Variants in BCL11B observed in about 807,000 individuals in gnomAD.
The protein encoded by BCL11B is B-cell lymphoma/leukemia 11B.
Under a neutral mutation model 49.9 loss-of-function variants are expected in BCL11B, and 8 were observed. The observed-to-expected ratio is 0.16, with a 90% CI of 0.09 to 0.29. The LOEUF is 0.29. BCL11B is among the 10% of genes least tolerant of loss of function. BCL11B has a pLI of 1.00. For missense variants in BCL11B, 1,006 were observed against 1,351.0 expected, an observed-to-expected ratio of 0.74 and a Z score of 4.00; for synonymous variants, 739 against 637.4, an observed-to-expected ratio of 1.16 and a Z score of -2.40.
In BCL11B at chr14:99,175,612, C is replaced by A; in HGVS notation, c.1224G>T (p.Pro408=). The A allele has an allele frequency of 6.4e-7, 1 of 1,561,328 alleles. No homozygotes were observed. ...TGCCGCCAGGGGGCATGGGCGGCAG[C>A]GGCGGCGTGCTCAGGAACGGGGACT... ...SPKSPFLSTP[P]LPPMPPGGTP... The change falls in exon 4 of 4, where the codon CCG becomes CCT. Residue 408 remains proline, a synonymous_variant. Coordinates refer to ENST00000357195, the MANE Select transcript of BCL11B (RefSeq NM_138576.4).
chr14:99,260,812 T>C (rs566561310), intron 1 of BCL11B, among the ~76,000 whole-genome samples: 2 of 151,900 alleles, frequency 1.3e-5, no homozygotes, highest in Non-Finnish European at 2.9e-5. Context: ...CTGCGTCAAG[T>C]CCTAACAGCC....
chr14:99,190,191 TAAAA>T (rs1288842362), intron 3 of BCL11B, among the ~76,000 whole-genome samples: 9 of 145,810 alleles, frequency 6.2e-5, no homozygotes, highest in African/African-American at 2.3e-4. Context: ...CATATGTCTT[TAAAA>T]CAAGGCACTT....
At chr14:99,181,701 C>T (rs757593412) in intron 3 of BCL11B, among the ~76,000 whole-genome samples, 6 of 152,182 alleles carry the variant, frequency 3.9e-5, no homozygotes, top group Non-Finnish European at 5.9e-5. Flanking sequence ...AGCGAGCAAG[C>T]GAGCCTGCGG....
chr14:99,214,164 C>G (rs1003138662), intron 3 of BCL11B, among the ~76,000 whole-genome samples: 2 of 152,156 alleles, frequency 1.3e-5, no homozygotes, highest in Non-Finnish European at 2.9e-5. Context: ...CTGTTCCTAG[C>G]TTCAATTCCC....
intron 3 of BCL11B, 86 bp from the exon 4 acceptor site, chr14:99,176,281 A>G: frequency 5.5e-6 from 7 of 1,261,928 alleles, no homozygotes; most frequent in Non-Finnish European, 7.6e-6. Context: ...GGCCTGGGGG[A>G]CGCGGCCCGG....
chr14:99,268,647 A>C (rs7146019), intron 1 of BCL11B, among the ~76,000 whole-genome samples: 1 of 151,556 alleles, frequency 6.6e-6, no homozygotes, highest in Non-Finnish European at 1.5e-5. Context: ...CCTCCCTCCC[A>C]GGTGACACAG....
At chr14:99,265,248 G>A (rs1056415294) in intron 1 of BCL11B, among the ~76,000 whole-genome samples, 3 of 152,146 alleles carry the variant, frequency 2.0e-5, no homozygotes, top group Non-Finnish European at 2.9e-5. Flanking sequence ...ATGCTCAGCC[G>A]GTATCAATAA....
At chr14:99,260,574 T>C (rs887142483) in intron 1 of BCL11B, among the ~76,000 whole-genome samples, 3 of 152,182 alleles carry the variant, frequency 2.0e-5, no homozygotes, top group African/African-American at 7.2e-5. Flanking sequence ...CACGTGCCTG[T>C]TCGCAAGCAC....
intron 3 of BCL11B, among the ~76,000 whole-genome samples, chr14:99,204,593 C>T (rs1222768291): frequency 6.6e-6 from 1 of 152,176 alleles, no homozygotes; most frequent in East Asian, 1.9e-4. Context: ...CCTGCCAATG[C>T]CCGGCAGCTA....
chr14:99,244,761 G>A (rs1888775110), intron 2 of BCL11B, among the ~76,000 whole-genome samples: 1 of 152,220 alleles, frequency 6.6e-6, no homozygotes, highest in Admixed American at 6.5e-5. Context: ...GTTCGGGTTA[G>A]CTAAATCTGA....
chr14:99,213,957 C>T lies in BCL11B; in HGVS notation c.640+17388G>A, dbSNP rs1887759380. Among the ~76,000 whole-genome samples, 1 of 152,132 alleles carries T rather than the reference C, an allele frequency of 6.6e-6. No homozygotes were observed. The highest frequency in any genetic ancestry group is 2.4e-5 in the African/African-American group (1 of 41,446). Reference sequence around the variant, plus strand: ...GAGAGGCTTGGCCCCAGGACACTGACTCCTCCCTCTCCCTAGACCCAGTCC... The same window carrying T: ...GAGAGGCTTGGCCCCAGGACACTGATTCCTCCCTCTCCCTAGACCCAGTCC... On this transcript the variant is annotated intron_variant, in intron 3 of 3. Coordinates refer to ENST00000357195, the MANE Select transcript of BCL11B (RefSeq NM_138576.4). This position sits in a 1 kb window ranked among gnomAD's most constrained non-coding sequence, Gnocchi z 5.1.
Position 99,169,990 on chromosome 14 carries a change from C to T in BCL11B, c.*4161G>A, listed in dbSNP as rs879033329. ...CCTCTCTCTCGGGATCATCTGCTTC[C>T]GTGTTGGTTTTTTAAACACAAAACA... On this transcript the variant is annotated 3_prime_UTR_variant, in exon 4 of 4. Coordinates refer to ENST00000357195, the MANE Select transcript of BCL11B (RefSeq NM_138576.4). The T allele has an allele frequency of 4.4e-6, 1 of 228,580 alleles. No individual in the cohort carries two copies. The allele number at this position is 228,580 out of a possible 1,614,324, so 14.2% of individuals were successfully genotyped here.
Position 99,228,270 on chromosome 14 carries a change from C to G in BCL11B, c.640+3075G>C. On this transcript the variant is annotated intron_variant, in intron 3 of 3. Coordinates refer to ENST00000357195, the MANE Select transcript of BCL11B (RefSeq NM_138576.4). The surrounding 1 kb of genome is among the most constrained non-coding windows in gnomAD (Gnocchi z 4.8). ...TGGGAACTTAATGACTCCATTCCAACTACTAATTAAACAGGCACTAAAAAC... is the reference window on the plus strand; with the variant it reads ...TGGGAACTTAATGACTCCATTCCAAGTACTAATTAAACAGGCACTAAAAAC... Among the ~76,000 whole-genome samples, 1 of 152,174 alleles carries G rather than the reference C, an allele frequency of 6.6e-6. No homozygotes were observed. The highest frequency in any genetic ancestry group is 1.5e-5 in the Non-Finnish European group (1 of 68,032).
chr14:99,249,631 CGGAGTTGACACCCT>C (rs745352395), intron 2 of BCL11B, among the ~76,000 whole-genome samples: 7 of 152,160 alleles, frequency 4.6e-5, no homozygotes, highest in Admixed American at 2.0e-4. Context: ...ACATAACTGC[CGGAGTTGACACCCT>C]GGGACCCTAC....
At chr14:99,258,851 G>T (rs1464527658) in intron 1 of BCL11B, among the ~76,000 whole-genome samples, 5 of 152,142 alleles carry the variant, frequency 3.3e-5, no homozygotes, top group African/African-American at 1.2e-4. Flanking sequence ...TCAATGGACT[G>T]TATGTTTTTA....
rs1006062343 is a variant in BCL11B, at chr14:99,199,654, G to C, written c.641-23459C>G. On this transcript the variant is annotated intron_variant, in intron 3 of 3. Coordinates refer to ENST00000357195, the MANE Select transcript of BCL11B (RefSeq NM_138576.4). ...CTGGCTAAATGCTGTGTGTGTGTGT[G>C]TGTGTGTGTGTGTGTGTGTGTGTGT... is the stretch of plus-strand genomic sequence containing the variant. Among the ~76,000 whole-genome samples, 30 of 80,162 alleles carry C rather than the reference G, an allele frequency of 3.7e-4. 1 individual carries two copies. Among genetic ancestry groups the C allele is most frequent in the East Asian group, 3.7e-3 (16 of 4,278 alleles). The allele number at this position is 80,162 out of a possible 152,430, so 52.6% of individuals were successfully genotyped here.
rs1888327136 is a variant in BCL11B, at chr14:99,231,340, G to A, written c.640+5C>T. On this transcript the variant is annotated splice_donor_5th_base_variant and intron_variant, in intron 3 of 3. Coordinates refer to ENST00000357195, the MANE Select transcript of BCL11B (RefSeq NM_138576.4). The surrounding 1 kb of genome is among the most constrained non-coding windows in gnomAD (Gnocchi z 8.1). ...CCCGCCCCCCACCGCGGCGTCGTCT[G>A]TTACCTGACAACTGACACTGGCATC... The A allele has an allele frequency of 8.7e-6, 14 of 1,609,558 alleles. No individual in the cohort carries two copies. Among genetic ancestry groups the A allele is most frequent in the Non-Finnish European group, 1.2e-5 (14 of 1,178,800 alleles).
At chr14:99,227,256 G>A (rs1233690893) in intron 3 of BCL11B, among the ~76,000 whole-genome samples, 1 of 152,198 alleles carries the variant, frequency 6.6e-6, no homozygotes, top group South Asian at 2.1e-4. Flanking sequence ...TTCCGCTCGT[G>A]CATGGACTCT....
chr14:99,239,468 T>G (rs949154905), intron 2 of BCL11B, among the ~76,000 whole-genome samples: 2 of 152,136 alleles, frequency 1.3e-5, no homozygotes, highest in Non-Finnish European at 2.9e-5. Context: ...GGGGCCAGAC[T>G]CCAATGACAA....
Sources: gnomAD v4.1 joint callset for allele counts (sites outside exome capture counted in the v4.1 genomes callset) on GRCh38, gnomAD v4.1.1 for gene constraint, Gnocchi (gnomAD v3.1) non-coding constraint, MANE v1.5 for transcripts, NCBI Gene and HGNC (gene_info 2026-07-23, HGNC 2026-07-21) for gene names.